Variants in RAB38 observed in about 807,000 individuals in gnomAD.
The protein encoded by RAB38 is ras-related protein Rab-38.
Under a neutral mutation model 18.4 loss-of-function variants are expected in RAB38, and 15 were observed. That is an observed-to-expected ratio of 0.82 (90% CI 0.55 to 1.26). The LOEUF (loss-of-function observed/expected upper bound fraction) is 1.26, where lower values mean the gene tolerates loss of function less well. Ranked by LOEUF, RAB38 falls within the 50% of genes most tolerant of loss-of-function variation. The probability of loss-of-function intolerance (pLI) is 0.00; values close to 1 mark genes in which losing one functional copy is unlikely to be tolerated. For missense variants in RAB38, 294 were observed against 267.4 expected (o/e 1.10, Z -0.69); for synonymous variants, 101 against 104.4 (o/e 0.97, Z 0.20).
chr11:88,072,536 T>C, the RAB38 span, among the ~76,000 whole-genome samples: 9 of 152,132 alleles, frequency 5.9e-5, no homozygotes, highest in African/African-American at 2.2e-4. Flanking sequence ...ATTTAGTGGC[T>C]GAGAATTTCC....
chr11:87,848,529 C>T, the RAB38 span, among the ~76,000 whole-genome samples: 4,763 of 152,110 alleles, frequency 0.031, 230 homozygotes, highest in African/African-American at 0.11. Flanking sequence ...TATTCTATTT[C>T]GCTCTCATTG....
chr11:87,968,572 A>G, the RAB38 span, among the ~76,000 whole-genome samples: 4 of 152,110 alleles, frequency 2.6e-5, no homozygotes, highest in African/African-American at 9.7e-5. Context: ...CAATAATTCT[A>G]TCAATATTAC....
the RAB38 span, among the ~76,000 whole-genome samples, chr11:87,932,195 G>A: frequency 1.3e-5 from 2 of 151,986 alleles, no homozygotes; most frequent in Non-Finnish European, 2.9e-5. Context: ...AAACCTACAT[G>A]AGAGGTTGAT....
the RAB38 span, among the ~76,000 whole-genome samples, chr11:87,929,981 A>T: frequency 1.6e-4 from 25 of 152,112 alleles, no homozygotes; most frequent in Middle Eastern, 3.4e-3. Context: ...ACATTTGGCT[A>T]GGTTCCAAGT....
At chr11:87,950,329 T>C in the RAB38 span, among the ~76,000 whole-genome samples, 1 of 151,898 alleles carries the variant, frequency 6.6e-6, no homozygotes, top group African/African-American at 2.4e-5. Flanking sequence ...GATGGGTCTT[T>C]ACTCTATCCA....
the RAB38 span, among the ~76,000 whole-genome samples, chr11:87,833,401 C>T: frequency 1.3e-5 from 2 of 152,128 alleles, no homozygotes; most frequent in Admixed American, 1.3e-4. Context: ...CTCCCAACAA[C>T]CTGGTTTTAG....
chr11:87,926,718 G>A, the RAB38 span, among the ~76,000 whole-genome samples: 1 of 151,988 alleles, frequency 6.6e-6, no homozygotes, highest in Non-Finnish European at 1.5e-5. Context: ...TATTACTCAA[G>A]GATGAGCAAG....
chr11:88,140,461 C>T (rs1030771520), intron 2 of RAB38, among the ~76,000 whole-genome samples: 2 of 152,230 alleles, frequency 1.3e-5, no homozygotes, highest in Non-Finnish European at 2.9e-5. Context: ...CCAATAAACA[C>T]TGAGCAAGTG....
intron 1 of RAB38, chr11:88,174,074 G>T: frequency 1.0e-6 from 1 of 985,434 alleles, no homozygotes; most frequent in Non-Finnish European, 1.2e-6. Flanking sequence ...AAGACTGTTT[G>T]AAGTTGTTCC....
chr11:88,100,674 G>A, the RAB38 span, among the ~76,000 whole-genome samples: 1 of 151,814 alleles, frequency 6.6e-6, no homozygotes, highest in Admixed American at 6.6e-5. Context: ...TTATTGCCAC[G>A]GATTTAAAAC....
At chr11:87,959,173 A>T in the RAB38 span, among the ~76,000 whole-genome samples, 1 of 152,062 alleles carries the variant, frequency 6.6e-6, no homozygotes, top group Non-Finnish European at 1.5e-5. Context: ...GTTGTGTTTG[A>T]TAAGGAATTA....
chr11:88,102,241 T>G, the RAB38 span, among the ~76,000 whole-genome samples: 6 of 152,054 alleles, frequency 3.9e-5, no homozygotes, highest in Non-Finnish European at 8.8e-5. Context: ...ATAGCTTCAA[T>G]AGGATATAAT....
chr11:88,031,454 T>C, the RAB38 span, among the ~76,000 whole-genome samples: 21 of 152,042 alleles, frequency 1.4e-4, no homozygotes, highest in African/African-American at 3.4e-4. Flanking sequence ...TGTTTGCAGA[T>C]GACATGACTG....
At chr11:87,931,489 C>T in the RAB38 span, among the ~76,000 whole-genome samples, 1 of 151,942 alleles carries the variant, frequency 6.6e-6, no homozygotes, top group Non-Finnish European at 1.5e-5. Context: ...AGCAGGGAGG[C>T]AATTACCAGG....
At chr11:87,827,253 T>C in the RAB38 span, among the ~76,000 whole-genome samples, 2 of 152,268 alleles carry the variant, frequency 1.3e-5, no homozygotes, top group African/African-American at 4.8e-5. Context: ...ATTTTTAAGT[T>C]GAAGCTGAAG....
chr11:88,107,996 G>A, the RAB38 span, among the ~76,000 whole-genome samples: 2 of 152,072 alleles, frequency 1.3e-5, no homozygotes, highest in Non-Finnish European at 2.9e-5. Flanking sequence ...TGTTTGTTAA[G>A]ATTTCCATTC....
chr11:88,042,902 A>G, the RAB38 span, among the ~76,000 whole-genome samples: 1 of 152,190 alleles, frequency 6.6e-6, no homozygotes, highest in Non-Finnish European at 1.5e-5. Flanking sequence ...GTCTTTACAG[A>G]GGGTAATATA....
intron 2 of RAB38, among the ~76,000 whole-genome samples, chr11:88,137,470 A>C (rs1332291243): frequency 6.6e-6 from 1 of 152,172 alleles, no homozygotes; most frequent in African/African-American, 2.4e-5. Context: ...TGATTGCTGA[A>C]ATTAAAAATT....
chr11:87,874,826 GA>G, the RAB38 span, among the ~76,000 whole-genome samples: 1 of 151,418 alleles, frequency 6.6e-6, no homozygotes, highest in African/African-American at 2.4e-5. Flanking sequence ...AGAAAAGGGG[GA>G]ACCCTTGCAG....
Sources: gnomAD v4.1 joint callset for allele counts (sites outside exome capture counted in the v4.1 genomes callset) on GRCh38, gnomAD v4.1.1 for gene constraint, MANE v1.5 for transcripts, NCBI Gene and HGNC (gene_info 2026-07-23, HGNC 2026-07-21) for gene names.